Variants in DPP6 observed in about 807,000 individuals in gnomAD.
DPP6 encodes A-type potassium channel modulatory protein DPP6.
DPP6 carries 69 observed loss-of-function variants against 122.6 expected under a neutral mutation model. That is an observed-to-expected ratio of 0.56 (90% CI 0.46 to 0.69). The LOEUF (loss-of-function observed/expected upper bound fraction) is 0.69. Among genes scored for constraint, DPP6 ranks in the 30% least tolerant of loss-of-function variants. The pLI is 0.00. For missense variants in DPP6, 928 were observed against 1,116.9 expected (o/e 0.83, Z 2.41); for synonymous variants, 418 against 433.1 (o/e 0.97, Z 0.43).
intron 1 of DPP6, among the ~76,000 whole-genome samples, chr7:154,232,847 A>G (rs1800994669): frequency 6.6e-6 from 1 of 152,234 alleles, no homozygotes; most frequent in Admixed American, 6.5e-5. Flanking sequence ...CAGCTGAGAT[A>G]AATGACATAC....
At chr7:154,591,835 A>G (rs1420914981) in intron 5 of DPP6, among the ~76,000 whole-genome samples, 1 of 152,224 alleles carries the variant, frequency 6.6e-6, no homozygotes, top group Non-Finnish European at 1.5e-5. Flanking sequence ...GCCTGCGAAT[A>G]GAATTTGAGG....
chr7:154,401,213 AAAAC>A (rs1815561283), intron 1 of DPP6, among the ~76,000 whole-genome samples: 1 of 150,716 alleles, frequency 6.6e-6, no homozygotes, highest in African/African-American at 2.5e-5. Flanking sequence ...AACAAAAACA[AAAAC>A]AAAAAAAAAA....
intron 6 of DPP6, among the ~76,000 whole-genome samples, chr7:154,650,370 G>A (rs528472087): frequency 1.3e-5 from 2 of 152,064 alleles, no homozygotes; most frequent in African/African-American, 4.8e-5. Flanking sequence ...GGAGGGGAGG[G>A]GAGGGGACTA....
intron 1 of DPP6, among the ~76,000 whole-genome samples, chr7:154,343,061 C>T (rs1275490175): frequency 1.3e-5 from 2 of 152,202 alleles, no homozygotes; most frequent in African/African-American, 4.8e-5. Flanking sequence ...CTGAAAATGA[C>T]TTGACCGTAG....
intron 12 of DPP6, among the ~76,000 whole-genome samples, chr7:154,800,559 G>C (rs1798298843): frequency 6.6e-6 from 1 of 152,226 alleles, no homozygotes; most frequent in African/African-American, 2.4e-5. Context: ...GCCGCTGGCT[G>C]TTCACTGTCC....
chr7:154,771,477 G>A (rs1195966532), intron 9 of DPP6, among the ~76,000 whole-genome samples: 2 of 152,118 alleles, frequency 1.3e-5, no homozygotes, highest in Admixed American at 1.3e-4. Flanking sequence ...TCATCACAAG[G>A]GTGCCACCCT....
intron 5 of DPP6, among the ~76,000 whole-genome samples, chr7:154,606,363 A>T (rs1833587986): frequency 8.3e-6 from 1 of 120,768 alleles, no homozygotes; most frequent in African/African-American, 2.6e-5. Context: ...AACTCTCCGT[A>T]TTCCTAGCAA....
At chr7:154,892,030 T>G (rs897160560) in intron 25 of DPP6, among the ~76,000 whole-genome samples, 39 of 152,172 alleles carry the variant, frequency 2.6e-4, no homozygotes, top group African/African-American at 8.9e-4. Flanking sequence ...CACTGAGCAT[T>G]TGCTGTGCCT....
At chr7:154,867,519 T>C (rs1252855529) in intron 17 of DPP6, among the ~76,000 whole-genome samples, 1 of 152,226 alleles carries the variant, frequency 6.6e-6, no homozygotes, top group Non-Finnish European at 1.5e-5. Flanking sequence ...TCTTCTGTTT[T>C]GGGAGAGAGA....
rs533176853 is a variant in DPP6 at position 154,345,887 on chromosome 7, A to T, written c.244-100327A>T. 2.6e-5 allele frequency among the ~76,000 whole-genome samples: 4 copies of T among 152,274 alleles called. No homozygotes were observed. In the South Asian group the frequency reaches 8.3e-4, roughly 32 times the overall value. On this transcript the variant is annotated intron_variant, in intron 1 of 25. Coordinates refer to ENST00000377770, the MANE Select transcript of DPP6 (RefSeq NM_130797.4). Reference sequence around the variant, plus strand: ...GCAAGCCCTGCTGCTCCCTCGTTCCATCCATCATTTCTTCGCATGCAAAGT... The same window carrying T: ...GCAAGCCCTGCTGCTCCCTCGTTCCTTCCATCATTTCTTCGCATGCAAAGT...
chr7:154,863,168 T>C lies in DPP6; in HGVS notation c.1715-4827T>C, dbSNP rs1280983256. Among the ~76,000 whole-genome samples, 1 of 152,156 alleles carries C rather than the reference T, an allele frequency of 6.6e-6. No homozygotes were observed. Among genetic ancestry groups the C allele is most frequent in the Non-Finnish European group, 1.5e-5 (1 of 68,022 alleles). On this transcript the variant is annotated intron_variant, in intron 17 of 25. Coordinates refer to ENST00000377770, the MANE Select transcript of DPP6 (RefSeq NM_130797.4). This position sits in a 1 kb window ranked among gnomAD's most constrained non-coding sequence, Gnocchi z 4.1. Reference sequence around the variant, plus strand: ...CCTCCTCCCTTGGCCTCCCAAAGCATTGGGATTACAGACGTGAGCCACCGC... The same window carrying C: ...CCTCCTCCCTTGGCCTCCCAAAGCACTGGGATTACAGACGTGAGCCACCGC...
chr7:154,557,138 G>C (rs1303229377), intron 4 of DPP6, among the ~76,000 whole-genome samples: 1 of 152,142 alleles, frequency 6.6e-6, no homozygotes, highest in Non-Finnish European at 1.5e-5. Flanking sequence ...CTCATCTGTA[G>C]CACCCATCGG....
chr7:153,917,425 G>T (rs1176171045), intron 1 of DPP6, among the ~76,000 whole-genome samples: 1 of 152,210 alleles, frequency 6.6e-6, no homozygotes, highest in East Asian at 1.9e-4. Flanking sequence ...GTTAAAACCT[G>T]GATATCCTCC....
intron 4 of DPP6, 53 bp downstream of exon 4, chr7:154,540,679 C>T: frequency 9.0e-7 from 1 of 1,112,868 alleles, no homozygotes; most frequent in Non-Finnish European, 1.3e-6. Context: ...TCCTGCAAGT[C>T]AATAAAACAG....
intron 1 of DPP6, among the ~76,000 whole-genome samples, chr7:154,263,794 G>C (rs1803191187): frequency 6.6e-6 from 1 of 152,112 alleles, no homozygotes. Flanking sequence ...AGGTTCAAGT[G>C]ATTCTCCTGC....
chr7:154,769,652 G>A, intron 9 of DPP6, 81 bp downstream of exon 9: 1 of 1,413,440 alleles, frequency 7.1e-7, no homozygotes, highest in Non-Finnish European at 9.3e-7. Context: ...GTGCAGACGT[G>A]ATCATCAGAC....
At chr7:154,384,606 G>C (rs1813913143) in intron 1 of DPP6, among the ~76,000 whole-genome samples, 1 of 152,114 alleles carries the variant, frequency 6.6e-6, no homozygotes, top group African/African-American at 2.4e-5. Context: ...GTTTTTTAGT[G>C]AAAAACACAG....
At chr7:154,396,007 A>G (rs1298453980) in intron 1 of DPP6, among the ~76,000 whole-genome samples, 1 of 151,474 alleles carries the variant, frequency 6.6e-6, no homozygotes, top group African/African-American at 2.4e-5. Context: ...TTCTGCATCA[A>G]TTGAGATTAT....
At chr7:154,022,429 A>C (rs1008280929) in intron 1 of DPP6, among the ~76,000 whole-genome samples, 9 of 152,232 alleles carry the variant, frequency 5.9e-5, no homozygotes, top group African/African-American at 1.9e-4. Flanking sequence ...TAGAAAAAAA[A>C]GGGGAAGAAA....
Sources: allele counts gnomAD v4.1 joint callset (sites outside exome capture counted in the v4.1 genomes callset), GRCh38; gene constraint gnomAD v4.1.1; non-coding constraint Gnocchi (gnomAD v3.1); transcripts MANE v1.5; gene names NCBI Gene and HGNC (gene_info 2026-07-23, HGNC 2026-07-21).